Variants in PTPRG observed in about 807,000 individuals in gnomAD.
The protein encoded by PTPRG is protein tyrosine phosphatase receptor type G, also known as receptor-type tyrosine-protein phosphatase gamma.
PTPRG carries 102 observed loss-of-function variants against 165.3 expected under a neutral mutation model. The observed-to-expected ratio is 0.62, with a 90% CI of 0.53 to 0.73. The LOEUF (loss-of-function observed/expected upper bound fraction) is 0.73, where lower values mean the gene tolerates loss of function less well. Ranked by LOEUF, PTPRG falls within the 30% of genes least tolerant of loss-of-function variation. The probability of loss-of-function intolerance (pLI) is 0.00; values close to 1 mark genes in which losing one functional copy is unlikely to be tolerated. For synonymous variants in PTPRG, 675 were observed against 669.5 expected, an observed-to-expected ratio of 1.01 and a Z score of -0.13; for missense variants, 1,866 against 1,861.4, an observed-to-expected ratio of 1.00 and a Z score of -0.05.
intron 1 of PTPRG, among the ~76,000 whole-genome samples, chr3:61,600,563 A>G (rs773547761): frequency 6.6e-6 from 1 of 151,974 alleles, no homozygotes; most frequent in Non-Finnish European, 1.5e-5. Flanking sequence ...TTTTTGAGAC[A>G]AGGTCTTGTT....
At chr3:61,887,147 TATATATATATATATATATATA>T (rs1559670178) in intron 2 of PTPRG, among the ~76,000 whole-genome samples, 1 of 57,370 alleles carries the variant, frequency 1.7e-5, no homozygotes, top group East Asian at 4.1e-4. Context: ...TATATATATA[TATATATATATATATATATATA>T]TATTTTTAAT....
At chr3:61,621,755 G>A (rs2106903064) in intron 1 of PTPRG, among the ~76,000 whole-genome samples, 1 of 152,288 alleles carries the variant, frequency 6.6e-6, no homozygotes. Context: ...TGAATCAATA[G>A]ATATGTCCCT....
chr3:62,077,984 C>T (rs999324332), intron 4 of PTPRG, among the ~76,000 whole-genome samples, 179 bp from the exon 5 acceptor site: 9 of 133,422 alleles, frequency 6.7e-5, no homozygotes, highest in Non-Finnish European at 1.1e-4. Flanking sequence ...GGCAACAGAG[C>T]GAGACCTTAT....
chr3:61,627,661 T>A (rs1417835880), intron 1 of PTPRG, among the ~76,000 whole-genome samples: 1 of 152,224 alleles, frequency 6.6e-6, no homozygotes, highest in African/African-American at 2.4e-5. Flanking sequence ...ATAAAGGGAA[T>A]GTTTTATTCA....
chr3:62,106,452 T>C (rs546993730), intron 5 of PTPRG, among the ~76,000 whole-genome samples: 3 of 152,084 alleles, frequency 2.0e-5, no homozygotes, highest in Admixed American at 1.3e-4. Context: ...TAGATAATTG[T>C]CTTATAGTCC....
rs1227580663 is a variant in PTPRG at position 62,273,117 on chromosome 3, G to A, written c.3318+36G>A. On this transcript the variant is annotated intron_variant, in intron 22 of 29. Coordinates refer to ENST00000474889, the MANE Select transcript of PTPRG (RefSeq NM_002841.4). This position sits in a 1 kb window ranked among gnomAD's most constrained non-coding sequence, Gnocchi z 4.1. ...GCTGCCAGCGTCCTCACGACATTCT[G>A]GCAAATGCTGTAACTGAAATTTGTT... is the stretch of plus-strand genomic sequence containing the variant. The A allele has an allele frequency of 6.4e-7, 1 of 1,563,340 alleles. No individual in the cohort carries two copies. The highest frequency in any genetic ancestry group is 2.0e-5 in the Admixed American group (1 of 50,304).
chr3:61,811,971 A>C (rs1293244525), intron 2 of PTPRG, among the ~76,000 whole-genome samples: 4 of 152,178 alleles, frequency 2.6e-5, no homozygotes, highest in African/African-American at 9.6e-5. Context: ...CATAGCAGAA[A>C]TAATTAAATT....
At chr3:62,208,268 C>T (rs1261822446) in intron 12 of PTPRG, among the ~76,000 whole-genome samples, 1 of 152,096 alleles carries the variant, frequency 6.6e-6, no homozygotes, top group Non-Finnish European at 1.5e-5. Context: ...CATGTGGTCC[C>T]ATCCTGAGGA....
At chr3:61,826,943 T>C (rs923064311) in intron 2 of PTPRG, among the ~76,000 whole-genome samples, 1 of 151,408 alleles carries the variant, frequency 6.6e-6, no homozygotes, top group Non-Finnish European at 1.5e-5. Context: ...TAGCTCTCCA[T>C]CTCCAGGCGT....
At chr3:61,606,213 T>G (rs1471968178) in intron 1 of PTPRG, among the ~76,000 whole-genome samples, 1 of 152,210 alleles carries the variant, frequency 6.6e-6, no homozygotes, top group Non-Finnish European at 1.5e-5. Context: ...TTGCTGGTTG[T>G]TAGCAGAACG....
chr3:61,811,728 C>T (rs1353470172), intron 2 of PTPRG, among the ~76,000 whole-genome samples: 4 of 152,166 alleles, frequency 2.6e-5, no homozygotes, highest in Non-Finnish European at 4.4e-5. Context: ...TGTAATCAGC[C>T]ATGCGAGTCA....
At chr3:61,687,065 T>G (rs1703658233) in intron 1 of PTPRG, among the ~76,000 whole-genome samples, 2 of 152,320 alleles carry the variant, frequency 1.3e-5, no homozygotes, top group African/African-American at 4.8e-5. Flanking sequence ...CGTTGACCAC[T>G]GGGACTAGCA....
chr3:62,273,941 C>A lies in PTPRG; in HGVS notation c.3465+97C>A. 4 of 1,194,760 alleles carry A rather than the reference C, an allele frequency of 3.3e-6. No individual in the cohort carries two copies. Among genetic ancestry groups the A allele is most frequent in the South Asian group, 2.8e-5 (2 of 70,676 alleles). The allele number at this position is 1,194,760 out of a possible 1,614,324, so 74.0% of individuals were successfully genotyped here. Reference sequence around the variant, plus strand: ...GTCTTCTTTGCATTAATGTATACACCGAAATGGATTACTATTTGTACTCCT... The same window carrying A: ...GTCTTCTTTGCATTAATGTATACACAGAAATGGATTACTATTTGTACTCCT... On this transcript the variant is annotated intron_variant, in intron 23 of 29. Coordinates refer to ENST00000474889, the MANE Select transcript of PTPRG (RefSeq NM_002841.4). The surrounding 1 kb of genome is among the most constrained non-coding windows in gnomAD (Gnocchi z 4.1).
At chr3:62,205,928 C>T (rs1426145233) in intron 12 of PTPRG, among the ~76,000 whole-genome samples, 1 of 152,060 alleles carries the variant, frequency 6.6e-6, no homozygotes, top group East Asian at 1.9e-4. Context: ...TGAAAGAAGC[C>T]CAGTTAGGAG....
At position 62,292,479 on chromosome 3, in the gene PTPRG, G is replaced by T; in HGVS notation, c.4114G>T (p.Glu1372Ter). ...CALTTLSQQLENENAVDVFQV... is the reference protein window; with the variant it reads ...CALTTLSQQL ...CCTTACCACCCTGTCCCAGCAACTGGAGAATGAAAATGCTGTGGATGTTTT... is the reference window on the plus strand; with the variant it reads ...CCTTACCACCCTGTCCCAGCAACTGTAGAATGAAAATGCTGTGGATGTTTT... Residue 1372 changes from glutamate (E) to a stop codon, truncating the protein, a stop_gained, in exon 29 of 30, where the codon GAG becomes TAG. Coordinates refer to ENST00000474889, the MANE Select transcript of PTPRG (RefSeq NM_002841.4). LOFTEE classifies it high-confidence loss of function. 6.2e-7 allele frequency: 1 copy of T among 1,613,708 alleles called. No homozygotes were observed. Among genetic ancestry groups the T allele is most frequent in the Non-Finnish European group, 8.5e-7 (1 of 1,179,754 alleles).
intron 2 of PTPRG, among the ~76,000 whole-genome samples, chr3:61,853,942 A>G (rs2037033711): frequency 6.6e-6 from 1 of 152,110 alleles, no homozygotes; most frequent in African/African-American, 2.4e-5. Flanking sequence ...ATGGCCATCT[A>G]ATGAAAGTCT....
intron 4 of PTPRG, among the ~76,000 whole-genome samples, chr3:62,020,167 T>C (rs2041655478): frequency 6.6e-6 from 1 of 152,222 alleles, no homozygotes; most frequent in African/African-American, 2.4e-5. Context: ...TCAAAATGAA[T>C]ATGTTTACAG....
intron 13 of PTPRG, 49 bp from the exon 14 acceptor site, chr3:62,231,176 G>C: frequency 7.2e-7 from 1 of 1,387,094 alleles, no homozygotes; most frequent in Non-Finnish European, 9.6e-7. Context: ...GTGGCCAATT[G>C]AAAATACTGT....
At chr3:62,014,563 T>G (rs2041496716) in intron 4 of PTPRG, among the ~76,000 whole-genome samples, 1 of 152,184 alleles carries the variant, frequency 6.6e-6, no homozygotes, top group African/African-American at 2.4e-5. Context: ...TTCACTCTGT[T>G]CATTTCTAAA....
Sources: gnomAD v4.1 joint callset for allele counts (sites outside exome capture counted in the v4.1 genomes callset) on GRCh38, gnomAD v4.1.1 for gene constraint, Gnocchi (gnomAD v3.1) non-coding constraint, MANE v1.5 for transcripts, NCBI Gene and HGNC (gene_info 2026-07-23, HGNC 2026-07-21) for gene names.